The following AOPEP variants were observed in gnomAD, a reference collection of about 807,000 sequenced individuals.
AOPEP encodes the protein aminopeptidase O.
AOPEP carries 77 observed loss-of-function variants against 98.1 expected under a neutral mutation model. The observed-to-expected ratio is 0.78, with a 90% CI of 0.65 to 0.95. The LOEUF (loss-of-function observed/expected upper bound fraction) is 0.95, where lower values mean the gene tolerates loss of function less well. AOPEP is among the 40% of genes least tolerant of loss of function. The pLI is 0.00. For synonymous variants in AOPEP, 346 were observed against 365.3 expected (o/e 0.95, Z 0.60); for missense variants, 1,024 against 1,024.7 (o/e 1.00, Z 0.01).
the AOPEP span, chr9:95,123,692 G>C: frequency 3.4e-5 from 23 of 675,296 alleles, no homozygotes; most frequent in Non-Finnish European, 4.7e-5. Context: ...TGAAGCGAGC[G>C]TCTTTGATGC....
intron 9 of AOPEP, among the ~76,000 whole-genome samples, chr9:94,965,205 C>T (rs185136634): frequency 5.1e-4 from 77 of 152,310 alleles, no homozygotes; most frequent in Non-Finnish European, 8.7e-4. Context: ...GTGCAAGGAA[C>T]GACTTCAGTT....
chr9:94,932,211 A>G, intron 7 of AOPEP: 5 of 987,450 alleles, frequency 5.1e-6, no homozygotes, highest in Non-Finnish European at 6.0e-6. Context: ...CAGGGTGAAA[A>G]GTATGCTTGG....
At chr9:95,006,297 G>GT (rs201504040) in intron 13 of AOPEP, 249 of 316,352 alleles carry the variant, frequency 7.9e-4, no homozygotes, top group Non-Finnish European at 1.3e-3. Context: ...CAGCAGATAG[G>GT]TTTTTTTGTT....
intron 13 of AOPEP, among the ~76,000 whole-genome samples, chr9:95,041,446 G>GGTGTGTGTGTGTGTGTGTGT (rs57837059): frequency 7.0e-6 from 1 of 142,012 alleles, no homozygotes; most frequent in African/African-American, 2.6e-5. Context: ...AGTCCTTGGG[G>GGTGTGTGTGTGTGTGTGTGT]GTGTGTGTGT....
At chr9:95,128,794 T>C in the AOPEP span, among the ~76,000 whole-genome samples, 1 of 152,236 alleles carries the variant, frequency 6.6e-6, no homozygotes, top group Admixed American at 6.5e-5. Flanking sequence ...GACCCTTGGC[T>C]ACTCTCAGCC....
At chr9:94,817,381 A>C (rs1216937096) in intron 5 of AOPEP, among the ~76,000 whole-genome samples, 1 of 152,206 alleles carries the variant, frequency 6.6e-6, no homozygotes, top group Non-Finnish European at 1.5e-5. Flanking sequence ...AAGTTAACAT[A>C]TTCCCTCATG....
At chr9:94,895,573 C>A (rs1425183326) in intron 5 of AOPEP, among the ~76,000 whole-genome samples, 3 of 151,944 alleles carry the variant, frequency 2.0e-5, no homozygotes, top group Non-Finnish European at 4.4e-5. Flanking sequence ...TACCTGTAAG[C>A]CAAGTGCCTG....
chr9:94,922,162 G>A (rs112849665), intron 5 of AOPEP, among the ~76,000 whole-genome samples: 1 of 152,168 alleles, frequency 6.6e-6, no homozygotes, highest in Non-Finnish European at 1.5e-5. Context: ...TCAGGCCCTC[G>A]CAGACTTTTA....
chr9:94,972,816 G>A lies in AOPEP; in HGVS notation c.1916+5015G>A, dbSNP rs2059612774. Among the ~76,000 whole-genome samples the A allele has an allele frequency of 6.6e-6, 1 of 152,062 alleles. No individual in the cohort carries two copies. Among genetic ancestry groups the A allele is most frequent in the African/African-American group, 2.4e-5 (1 of 41,398 alleles). ...TTAGCCTGCATGGTGGTACGTGTCT[G>A]TAGTCTCAGCTACTCGGGAGGCTGA... On this transcript the variant is annotated intron_variant, in intron 10 of 16. Transcript: ENST00000375315. The surrounding 1 kb of genome is among the most constrained non-coding windows in gnomAD (Gnocchi z 4.2).
At chr9:94,967,850 T>A in intron 10 of AOPEP, 49 bp downstream of exon 10, 1 of 1,461,828 alleles carries the variant, frequency 6.8e-7, no homozygotes, top group Non-Finnish European at 9.6e-7. Context: ...GTTTTAATGT[T>A]AAAAATGACA....
the AOPEP span, among the ~76,000 whole-genome samples, chr9:95,130,920 T>A: frequency 6.6e-6 from 1 of 152,356 alleles, no homozygotes; most frequent in African/African-American, 2.4e-5. Flanking sequence ...ATATGTATTT[T>A]TTATTATGCC....
At chr9:94,908,820 G>A (rs2051564476) in intron 5 of AOPEP, among the ~76,000 whole-genome samples, 2 of 152,074 alleles carry the variant, frequency 1.3e-5, no homozygotes, top group African/African-American at 4.8e-5. Context: ...CAAATATGTT[G>A]GTGCTTTCAA....
chr9:94,945,783 A>G (rs574986447), intron 7 of AOPEP, among the ~76,000 whole-genome samples: 1 of 152,200 alleles, frequency 6.6e-6, no homozygotes, highest in Non-Finnish European at 1.5e-5. Flanking sequence ...AATGAAGCCA[A>G]TGTTTGTCTC....
At chr9:94,824,076 C>G (rs1853900711) in intron 5 of AOPEP, among the ~76,000 whole-genome samples, 3 of 152,108 alleles carry the variant, frequency 2.0e-5, no homozygotes, top group Admixed American at 2.0e-4. Context: ...TGTGATTTCC[C>G]CAATGTACAC....
intron 9 of AOPEP, among the ~76,000 whole-genome samples, chr9:94,960,368 G>A (rs540151764): frequency 4.5e-4 from 67 of 149,716 alleles, no homozygotes; most frequent in African/African-American, 1.6e-3. Context: ...GCGAGATCAC[G>A]CCACTGCACT....
chr9:94,803,260 A>G (rs1195453860), intron 5 of AOPEP, among the ~76,000 whole-genome samples: 1 of 152,214 alleles, frequency 6.6e-6, no homozygotes, highest in Non-Finnish European at 1.5e-5. Context: ...TTTTATAAAC[A>G]TGTATGCAAG....
intron 2 of AOPEP, among the ~76,000 whole-genome samples, chr9:94,762,157 A>AT (rs1210090757): frequency 6.6e-6 from 1 of 152,224 alleles, no homozygotes; most frequent in African/African-American, 2.4e-5. Context: ...CTATGAAGAA[A>AT]TTAAAGAGGG....
intron 9 of AOPEP, among the ~76,000 whole-genome samples, chr9:94,964,386 AC>A (rs1165383048): frequency 6.6e-6 from 1 of 152,158 alleles, no homozygotes; most frequent in Non-Finnish European, 1.5e-5. Flanking sequence ...AATTCTGGAT[AC>A]TTGTGCTCTG....
intron 3 of AOPEP, among the ~76,000 whole-genome samples, chr9:94,791,674 G>A (rs1428131568): frequency 6.6e-6 from 1 of 152,002 alleles, no homozygotes; most frequent in Non-Finnish European, 1.5e-5. Flanking sequence ...AACAGAGCGC[G>A]ACCCTGTCTC....
Sources: gnomAD v4.1 joint callset for allele counts (sites outside exome capture counted in the v4.1 genomes callset) on GRCh38, gnomAD v4.1.1 for gene constraint, Gnocchi (gnomAD v3.1) non-coding constraint, MANE v1.5 for transcripts, NCBI Gene and HGNC (gene_info 2026-07-23, HGNC 2026-07-21) for gene names.